LMOD3: variants seen among roughly 807,000 people sequenced by gnomAD.
LMOD3 encodes leiomodin-3.
A neutral mutation model predicts 41.8 loss-of-function variants in LMOD3; 31 were observed. The observed-to-expected ratio is 0.74, with a 90% CI of 0.56 to 1.00. LMOD3 has a LOEUF of 1.00. LMOD3 is among the 50% of genes least tolerant of loss of function. LMOD3 has a pLI of 0.00. For missense variants in LMOD3, 755 were observed against 679.5 expected (o/e 1.11, Z -1.23); for synonymous variants, 292 against 241.9 (o/e 1.21, Z -1.92).
At chr3:69,120,567 G>A (rs1269331763) in intron 1 of LMOD3, among the ~76,000 whole-genome samples, 1 of 151,164 alleles carries the variant, frequency 6.6e-6, no homozygotes, top group East Asian at 1.9e-4. Context: ...ATAACATAAT[G>A]TATGGGAAAT....
At chr3:69,117,718 A>G (rs1176189651) in intron 2 of LMOD3, among the ~76,000 whole-genome samples, 3 of 152,214 alleles carry the variant, frequency 2.0e-5, no homozygotes, top group Admixed American at 2.0e-4. Flanking sequence ...TCTGCCTAAA[A>G]AGTGAGCAAT....
intron 2 of LMOD3, among the ~76,000 whole-genome samples, chr3:69,116,207 T>C (rs926124125): frequency 1.3e-5 from 2 of 152,240 alleles, no homozygotes; most frequent in Non-Finnish European, 2.9e-5. Flanking sequence ...AATCTGATAT[T>C]AGTGAAGCAA....
chr3:69,122,123 T>C lies in LMOD3; in HGVS notation c.264A>G (p.Glu88=). 2 of 1,612,512 alleles carry C rather than the reference T, an allele frequency of 1.2e-6. No homozygotes were observed. Among genetic ancestry groups the C allele is most frequent in the Non-Finnish European group, 1.7e-6 (2 of 1,179,220 alleles). The change falls in exon 1 of 3, where the codon GAA becomes GAG. Residue 88 remains glutamate, a synonymous_variant. Transcript: ENST00000420581. ...ATTTCACAAAGGTGACAGGAACTCG[T>C]TCCTCTTCCAGCATGCGCCTGGATG... The part of the protein sequence containing the change: ...EKASRRMLEE[E]RVPVTFVKSE...
rs1397214850 is a variant in LMOD3 at position 69,119,814 on chromosome 3, T to C, written c.541A>G (p.Ile181Val). Residue 181 changes from isoleucine (I) to valine (V), a missense_variant, in exon 2 of 3, where the codon ATT becomes GTT. Physicochemically the swap from Ile to Val is conservative, Grantham distance 29. Transcript: ENST00000420581. ...TGGCAGTTGTTCTCACAATTTCTAA[T>C]TTGTTCCTTTGCTTTGCCTTCCTCT... ...REEEGKAKEQ[I>V]RNCENNCQQV... 6.3e-7 allele frequency: 1 copy of C among 1,591,358 alleles called. No individual in the cohort carries two copies. Among genetic ancestry groups the C allele is most frequent in the Non-Finnish European group, 8.6e-7 (1 of 1,167,386 alleles).
intron 2 of LMOD3, among the ~76,000 whole-genome samples, chr3:69,110,768 G>A (rs1186906017): frequency 2.1e-5 from 3 of 144,628 alleles, no homozygotes; most frequent in African/African-American, 5.1e-5. Context: ...GCTTGAACCC[G>A]GGAGGCAGAG....
At position 69,108,784 on chromosome 3, in the gene LMOD3, G is replaced by A. The variant is rs2092334603; in HGVS notation, c.*311C>T. On this transcript the variant is annotated 3_prime_UTR_variant, in exon 3 of 3. Transcript: ENST00000420581. Reference sequence around the variant, plus strand: ...AGAAGAAAACAATAATAAAGCAAATGTTTAAAAAATTTTCTTTAACTTCTG... The same window carrying A: ...AGAAGAAAACAATAATAAAGCAAATATTTAAAAAATTTTCTTTAACTTCTG... 3.6e-6 allele frequency: 1 copy of A among 281,540 alleles called. No individual in the cohort carries two copies. Among genetic ancestry groups the A allele is most frequent in the African/African-American group, 2.2e-5 (1 of 45,404 alleles). The allele number at this position is 281,540 out of a possible 1,614,324, so 17.4% of individuals were successfully genotyped here. A position where few individuals can be genotyped will look rare whatever the true frequency, so the allele number is the denominator to read the frequency against.
Position 69,108,212 on chromosome 3 carries a change from A to G in LMOD3, c.*883T>C, listed in dbSNP as rs1391222540. On this transcript the variant is annotated 3_prime_UTR_variant, in exon 3 of 3. Transcript: ENST00000420581. ...TGTTTGAGAGTGATAAAATCAAATT[A>G]GACTTACAGAGTAAACACATATGAG... The G allele has an allele frequency of 2.6e-5, 4 of 151,794 alleles. No individual in the cohort carries two copies. The highest frequency in any genetic ancestry group is 5.9e-5 in the Non-Finnish European group (4 of 68,002). The allele number at this position is 151,794 out of a possible 1,614,324, so 9.4% of individuals were successfully genotyped here.
At chr3:69,115,904 A>G (rs73112231) in intron 2 of LMOD3, among the ~76,000 whole-genome samples, 3,092 of 152,314 alleles carry the variant, frequency 0.02, 40 homozygotes, top group Middle Eastern at 0.031. Context: ...AACACATCAT[A>G]GCTACTCATA....
At chr3:69,116,566 G>T (rs1465487991) in intron 2 of LMOD3, among the ~76,000 whole-genome samples, 2 of 152,090 alleles carry the variant, frequency 1.3e-5, no homozygotes, top group Admixed American at 1.3e-4. Flanking sequence ...GCTTGGTGGG[G>T]TGTTTTATTC....
rs962387541 is a variant in LMOD3 at position 69,119,120 on chromosome 3, T to C, written c.1235A>G (p.Glu412Gly). The change falls in exon 2 of 3, where the codon GAA becomes GGA. Residue 412 changes from glutamate to glycine, a missense_variant. Physicochemically the swap from Glu to Gly is moderately conservative, Grantham distance 98. Transcript: ENST00000420581. ...QEEQKQQQLK[E>G]QKKLIAMLEN... ...TAACATGGCTATCAGCTTCTTCTGT[T>C]CCTTGAGTTGCTGCTGTTTTTGCTC... 1.2e-6 allele frequency: 2 copies of C among 1,613,834 alleles called. No individual in the cohort carries two copies. Among genetic ancestry groups the C allele is most frequent in the Admixed American group, 3.3e-5 (2 of 59,990 alleles).
At chr3:69,110,853 A>AAAAAAAAAAAAAAAAAAAAATTATATAT (rs1458630453) in intron 2 of LMOD3, among the ~76,000 whole-genome samples, 1 of 104,168 alleles carries the variant, frequency 9.6e-6, no homozygotes, top group Non-Finnish European at 1.8e-5. Context: ...AAAAAAAAAA[A>AAAAAAAAAAAAAAAAAAAAATTATATAT]ATATATATAT....
rs371736714 is a variant in LMOD3 at position 69,118,978 on chromosome 3, A to G, written c.1377T>C (p.Asn459=). The G allele has an allele frequency of 2.5e-5, 41 of 1,613,034 alleles. No individual in the cohort carries two copies. The highest frequency in any genetic ancestry group is 3.3e-5 in the Admixed American group (2 of 59,878). Residue 459 remains asparagine (N), a synonymous_variant, in exon 2 of 3, where the codon AAT becomes AAC. Transcript: ENST00000420581. ...PPPPRPPNPQ[N]VPFSQRSEMM... is the part of the protein sequence containing the mutation. The stretch of plus-strand genomic sequence containing the variant: ...TTTCACTGCGTTGACTAAAGGGGAC[A>G]TTTTGGGGGTTGGGAGGCCGAGGTG...
Position 69,122,305 on chromosome 3 carries a change from A to G in LMOD3, c.82T>C (p.Ser28Pro). Residue 28 changes from serine (S) to proline (P), a missense_variant, in exon 1 of 3, where the codon TCT (serine) becomes CCT (proline). Coordinates refer to ENST00000420581, the MANE Select transcript of LMOD3 (RefSeq NM_198271.5). ...INEDEILANL[S>P]AEELKELQSE... The stretch of plus-strand genomic sequence containing the variant: ...TGCAGTTCTTTCAGTTCTTCAGCAG[A>G]CAAGTTGGCCAAGATTTCATCTTCA... The G allele has an allele frequency of 6.2e-7, 1 of 1,613,410 alleles. No homozygotes were observed. Among genetic ancestry groups the G allele is most frequent in the Non-Finnish European group, 8.5e-7 (1 of 1,179,636 alleles).
chr3:69,122,027 C>T, intron 1 of LMOD3, 66 bp downstream of exon 1: 1 of 1,338,970 alleles, frequency 7.5e-7, no homozygotes, highest in East Asian at 2.4e-5. Flanking sequence ...ATCACAGTTA[C>T]AACAGAGAGA....
intron 2 of LMOD3, among the ~76,000 whole-genome samples, chr3:69,112,558 T>G (rs1243853839): frequency 6.6e-6 from 1 of 152,132 alleles, no homozygotes; most frequent in Non-Finnish European, 1.5e-5. Context: ...GAAGTAGCAT[T>G]TGAGTCAAGC....
At chr3:69,115,593 A>C (rs2092368623) in intron 2 of LMOD3, among the ~76,000 whole-genome samples, 1 of 152,100 alleles carries the variant, frequency 6.6e-6, no homozygotes, top group Admixed American at 6.5e-5. Context: ...AGAGAACCCC[A>C]CAAGGTTTCA....
chr3:69,122,277 G>C lies in LMOD3; in HGVS notation c.110C>G (p.Ser37Trp), dbSNP rs572092252. 1.6e-5 allele frequency: 26 copies of C among 1,613,316 alleles called. No homozygotes were observed. The highest frequency in any genetic ancestry group is 2.0e-5 in the Non-Finnish European group (24 of 1,179,714). The change falls in exon 1 of 3, where the codon TCG (serine) becomes TGG (tryptophan). Residue 37 changes from serine (S) to tryptophan (W), a missense_variant. By Grantham distance (177) the Ser-to-Trp change is radical. Coordinates refer to ENST00000420581, the MANE Select transcript of LMOD3 (RefSeq NM_198271.5). Reference sequence around the variant, plus strand: ...GTCAGGGGCCATGACTTCCATTTCCGACTGCAGTTCTTTCAGTTCTTCAGC... The same window carrying C: ...GTCAGGGGCCATGACTTCCATTTCCCACTGCAGTTCTTTCAGTTCTTCAGC... ...LSAEELKELQ[S>W]EMEVMAPDPS...
Position 69,119,702 on chromosome 3 carries a change from G to A in LMOD3, c.653C>T (p.Pro218Leu). Residue 218 changes from proline (P) to leucine (L), a missense_variant, in exon 2 of 3, where the codon CCT (proline) becomes CTT (leucine). Physicochemically the swap from Pro to Leu is moderately conservative, Grantham distance 98. Transcript: ENST00000420581. ...GCTGGTGTCTAGAGCTAACTTCTTA[G>A]GATCTAATTTCGATATTTTTTTCTC... ...QSEKKISKLD[P>L]KKLALDTSFL... 6.2e-7 allele frequency: 1 copy of A among 1,613,902 alleles called. No homozygotes were observed. The highest frequency in any genetic ancestry group is 8.5e-7 in the Non-Finnish European group (1 of 1,179,876).
In LMOD3 at chr3:69,107,796, T is replaced by G. The variant is rs2092330133; in HGVS notation, c.*1299A>C. ...CTGGCCCAAAGCTTGATTTTCTAAT[T>G]TCTAGGGTTCACACTACTTCTATTA... On this transcript the variant is annotated 3_prime_UTR_variant, in exon 3 of 3. Transcript: ENST00000420581. 6.6e-6 allele frequency: 1 copy of G among 152,070 alleles called. No homozygotes were observed. Among genetic ancestry groups the G allele is most frequent in the South Asian group, 2.1e-4 (1 of 4,826 alleles). The allele number at this position is 152,070 out of a possible 1,614,324, so 9.4% of individuals were successfully genotyped here. A position where few individuals can be genotyped will look rare whatever the true frequency, so the allele number is the denominator to read the frequency against.
Sources: allele counts gnomAD v4.1 joint callset (sites outside exome capture counted in the v4.1 genomes callset), GRCh38; gene constraint gnomAD v4.1.1; transcripts MANE v1.5; gene names NCBI Gene and HGNC (gene_info 2026-07-23, HGNC 2026-07-21).